Variants in ATE1 observed in about 807,000 individuals in gnomAD.
ATE1 encodes the protein arginyl-tRNA--protein transferase 1.
A neutral mutation model predicts 70.5 loss-of-function variants in ATE1; 36 were observed. The observed-to-expected ratio is 0.51, with a 90% CI of 0.39 to 0.67. The LOEUF (loss-of-function observed/expected upper bound fraction) is 0.67. ATE1 is among the 30% of genes least tolerant of loss of function. The pLI, the probability that ATE1 is intolerant of heterozygous loss-of-function variation, is 0.00. For synonymous variants in ATE1, 232 were observed against 219.3 expected, an observed-to-expected ratio of 1.06 and a Z score of -0.51; for missense variants, 593 against 629.5, an observed-to-expected ratio of 0.94 and a Z score of 0.62.
intron 11 of ATE1, among the ~76,000 whole-genome samples, chr10:121,756,357 G>A (rs1006782215): frequency 3.3e-5 from 5 of 152,160 alleles, no homozygotes; most frequent in African/African-American, 1.2e-4. Context: ...AGCTTTTCCA[G>A]GTGCACAGTG....
intron 11 of ATE1, among the ~76,000 whole-genome samples, chr10:121,751,149 G>A (rs538022942): frequency 5.1e-4 from 77 of 152,242 alleles, no homozygotes; most frequent in African/African-American, 1.6e-3. Context: ...AGAGAATTAC[G>A]CATGTTCATA....
chr10:121,920,368 T>TA (rs560498964), intron 3 of ATE1, among the ~76,000 whole-genome samples: 3,010 of 150,360 alleles, frequency 0.02, 28 homozygotes, highest in Non-Finnish European at 0.026. Context: ...CCCTTTTCTA[T>TA]AAAAAAAAAT....
At chr10:121,922,254 GCGGAAATAA>G in intron 3 of ATE1, 86 bp downstream of exon 3, 1 of 824,864 alleles carries the variant, frequency 1.2e-6, no homozygotes, top group Non-Finnish European at 2.0e-6. Context: ...TCTACCTAGA[GCGGAAATAA>G]ACATTAAAAA....
intron 4 of ATE1, 107 bp downstream of exon 4, chr10:121,913,683 T>C (rs917163362): frequency 6.1e-6 from 4 of 651,596 alleles, no homozygotes; most frequent in Non-Finnish European, 1.1e-5. Context: ...ATCATAGTAG[T>C]AGCAGTACAT....
chr10:121,906,969 T>C (rs1951221675), intron 5 of ATE1, among the ~76,000 whole-genome samples: 1 of 152,040 alleles, frequency 6.6e-6, no homozygotes, highest in Non-Finnish European at 1.5e-5. Flanking sequence ...ATAAGAACCC[T>C]GCAAAAATAG....
At chr10:121,917,534 G>A (rs1476159157) in intron 3 of ATE1, among the ~76,000 whole-genome samples, 1 of 152,064 alleles carries the variant, frequency 6.6e-6, no homozygotes, top group Non-Finnish European at 1.5e-5. Context: ...AGCTAGGGAT[G>A]GGGACAAAAA....
chr10:121,815,497 A>T lies in ATE1; in HGVS notation c.1257+21221T>A, dbSNP rs539102298. ...TCTGAAGGACCTCAATATTTGCTAG[A>T]CATATCTCATTGTAGAGAAACATTA... On this transcript the variant is annotated intron_variant, in intron 10 of 11. Transcript: ENST00000224652. Among the ~76,000 whole-genome samples, 34 of 152,308 alleles carry T rather than the reference A, an allele frequency of 2.2e-4. No homozygotes were observed. In the South Asian group the frequency reaches 6.8e-3, roughly 31 times the overall value.
At chr10:121,840,346 T>G (rs1948583402) in intron 9 of ATE1, among the ~76,000 whole-genome samples, 2 of 152,042 alleles carry the variant, frequency 1.3e-5, no homozygotes, top group South Asian at 4.1e-4. Flanking sequence ...TAGTAAAAAA[T>G]ATAAAGCTGA....
intron 10 of ATE1, among the ~76,000 whole-genome samples, chr10:121,811,855 C>G (rs1947330061): frequency 6.6e-6 from 1 of 151,734 alleles, no homozygotes; most frequent in Non-Finnish European, 1.5e-5. Context: ...TCCTTGAGAG[C>G]TAGGGGCAAT....
In ATE1 at chr10:121,807,298, G is replaced by A. The variant is rs559353895; in HGVS notation, c.1258-17009C>T. Among the ~76,000 whole-genome samples, 10 of 152,288 alleles carry A rather than the reference G, an allele frequency of 6.6e-5. No homozygotes were observed. In the South Asian group the frequency reaches 1.0e-3, roughly 16 times the overall value. On this transcript the variant is annotated intron_variant, in intron 10 of 11. Transcript: ENST00000224652. ...GATTGAACATTGGCTAAGAATCTGA[G>A]AAGTTAAATTCAAAAAGAAAGGAAG...
intron 7 of ATE1, among the ~76,000 whole-genome samples, chr10:121,889,645 GA>G: frequency 6.6e-6 from 1 of 151,866 alleles, no homozygotes; most frequent in East Asian, 1.9e-4. Flanking sequence ...TCTACAAAAG[GA>G]AAAAAATTAA....
At chr10:121,814,057 G>A (rs975732705) in intron 10 of ATE1, among the ~76,000 whole-genome samples, 1 of 152,174 alleles carries the variant, frequency 6.6e-6, no homozygotes, top group African/African-American at 2.4e-5. Flanking sequence ...GGACTTCCCT[G>A]TATAAGACAA....
At chr10:121,816,159 A>G (rs1417930723) in intron 10 of ATE1, among the ~76,000 whole-genome samples, 3 of 152,236 alleles carry the variant, frequency 2.0e-5, no homozygotes, top group African/African-American at 7.2e-5. Context: ...CTGTAAGTTT[A>G]TATTATACAA....
At chr10:121,805,829 C>T (rs2133415805) in intron 10 of ATE1, among the ~76,000 whole-genome samples, 2 of 152,234 alleles carry the variant, frequency 1.3e-5, no homozygotes, top group South Asian at 4.1e-4. Context: ...CAAGTCTAGC[C>T]CCGCAGACCA....
intron 11 of ATE1, among the ~76,000 whole-genome samples, chr10:121,776,717 C>T (rs1460233901): frequency 6.6e-6 from 1 of 152,240 alleles, no homozygotes; most frequent in Non-Finnish European, 1.5e-5. Flanking sequence ...ATTTTTGTTT[C>T]AGCTGTGTAA....
intron 8 of ATE1, among the ~76,000 whole-genome samples, chr10:121,862,417 T>C (rs1949506303): frequency 6.6e-6 from 1 of 152,106 alleles, no homozygotes; most frequent in Admixed American, 6.6e-5. Flanking sequence ...AGTGCAGTGT[T>C]GTGATCAAGG....
chr10:121,806,517 G>C (rs558360838), intron 10 of ATE1, among the ~76,000 whole-genome samples: 4 of 152,128 alleles, frequency 2.6e-5, no homozygotes, highest in Non-Finnish European at 5.9e-5. Flanking sequence ...AGGATTGAGG[G>C]GGGGAAAGAA....
At chr10:121,907,549 T>C (rs1951247101) in intron 5 of ATE1, among the ~76,000 whole-genome samples, 1 of 151,952 alleles carries the variant, frequency 6.6e-6, no homozygotes, top group Middle Eastern at 3.2e-3. Flanking sequence ...CCGAGGCGGA[T>C]GGATCACGAG....
chr10:121,853,361 C>CAAAA (rs386372688), intron 8 of ATE1, among the ~76,000 whole-genome samples: 1 of 69,076 alleles, frequency 1.4e-5, no homozygotes, highest in African/African-American at 6.0e-5. Flanking sequence ...GACTCTGTCT[C>CAAAA]AAAAAAAAAA....
Sources: allele counts gnomAD v4.1 joint callset (sites outside exome capture counted in the v4.1 genomes callset), GRCh38; gene constraint gnomAD v4.1.1; transcripts MANE v1.5; gene names NCBI Gene and HGNC (gene_info 2026-07-23, HGNC 2026-07-21).